MTSS1: variants seen among roughly 807,000 people sequenced by gnomAD.
The protein encoded by MTSS1 is protein MTSS 1.
In MTSS1, 18 loss-of-function variants were observed where a neutral mutation model predicts 79.0. The ratio of observed to expected loss-of-function variants is 0.23; its 90% CI spans 0.16 to 0.34. The LOEUF is 0.34. MTSS1 is among the 10% of genes least tolerant of loss of function. The probability of loss-of-function intolerance (pLI) is 1.00; values close to 1 mark genes in which losing one functional copy is unlikely to be tolerated. For missense variants in MTSS1, 815 were observed against 986.2 expected (o/e 0.83, Z 2.33); for synonymous variants, 341 against 368.6 (o/e 0.93, Z 0.86).
At chr8:124,708,264 T>C (rs1830672970) in intron 1 of MTSS1, among the ~76,000 whole-genome samples, 1 of 152,152 alleles carries the variant, frequency 6.6e-6, no homozygotes, top group Admixed American at 6.5e-5. Flanking sequence ...AATGAGGTCA[T>C]ATACAGAAAG....
chr8:124,666,102 AGTCT>A (rs375564100), intron 3 of MTSS1, among the ~76,000 whole-genome samples: 47 of 152,246 alleles, frequency 3.1e-4, no homozygotes, highest in African/African-American at 1.1e-3. Context: ...AATGTTCAAT[AGTCT>A]CACTGCATGA....
intron 3 of MTSS1, among the ~76,000 whole-genome samples, chr8:124,627,815 T>G (rs1035158984): frequency 4.6e-5 from 7 of 152,228 alleles, no homozygotes; most frequent in Non-Finnish European, 1.5e-5. Flanking sequence ...CAGTGTGAAC[T>G]GCGCTTTAGA....
At chr8:124,671,051 C>CTT (rs11368930) in intron 3 of MTSS1, among the ~76,000 whole-genome samples, 9 of 145,656 alleles carry the variant, frequency 6.2e-5, no homozygotes, top group African/African-American at 1.8e-4. Context: ...TTTTCTTTTT[C>CTT]TTTTTTTCCT....
At chr8:124,619,877 C>T (rs1433462382) in intron 3 of MTSS1, among the ~76,000 whole-genome samples, 1 of 152,164 alleles carries the variant, frequency 6.6e-6, no homozygotes, top group Non-Finnish European at 1.5e-5. Context: ...GGGCCATCAG[C>T]GGCAGGCCTG....
intron 4 of MTSS1, among the ~76,000 whole-genome samples, chr8:124,590,135 G>A (rs955195580): frequency 3.3e-5 from 5 of 152,174 alleles, no homozygotes; most frequent in East Asian, 1.9e-4. Flanking sequence ...GATTACAGGC[G>A]AGAGCCACCG....
intron 3 of MTSS1, among the ~76,000 whole-genome samples, chr8:124,668,183 G>A (rs935243629): frequency 5.3e-5 from 8 of 152,172 alleles, no homozygotes; most frequent in African/African-American, 1.7e-4. Context: ...AGGACACAGC[G>A]CAAGCGGCCA....
At position 124,640,758 on chromosome 8, in the gene MTSS1, G is replaced by T. The variant is rs182515232; in HGVS notation, c.209-49523C>A. On this transcript the variant is annotated intron_variant, in intron 3 of 13. Coordinates refer to ENST00000518547, the MANE Select transcript of MTSS1 (RefSeq NM_014751.6). ...GGGGTTTCACCATGTTGGCCAGGTTGGTCTCAATCTCTTGACCTCGTGATC... is the reference window on the plus strand; with the variant it reads ...GGGGTTTCACCATGTTGGCCAGGTTTGTCTCAATCTCTTGACCTCGTGATC... Among the ~76,000 whole-genome samples, 4 of 152,146 alleles carry T rather than the reference G, an allele frequency of 2.6e-5. No homozygotes were observed. In the East Asian group the frequency reaches 7.7e-4, roughly 29 times the overall value.
Position 124,727,502 on chromosome 8 carries a change from G to A in MTSS1, c.72+382C>T. Reference sequence around the variant, plus strand: ...ACCGCGCCAGGCGCCCCCACCCCGTGCCCGGAGGAATCAGGTGTCCTCCCG... The same window carrying A: ...ACCGCGCCAGGCGCCCCCACCCCGTACCCGGAGGAATCAGGTGTCCTCCCG... On this transcript the variant is annotated intron_variant, in intron 1 of 13. Coordinates refer to ENST00000518547, the MANE Select transcript of MTSS1 (RefSeq NM_014751.6). This position sits in a 1 kb window ranked among gnomAD's most constrained non-coding sequence, Gnocchi z 4.7. 2.2e-6 allele frequency: 1 copy of A among 461,820 alleles called. No individual in the cohort carries two copies. Among genetic ancestry groups the A allele is most frequent in the South Asian group, 1.6e-5 (1 of 63,896 alleles). 28.6% of individuals were successfully genotyped at this position (461,820 alleles called of 1,614,324 possible).
At chr8:124,699,377 G>T in intron 3 of MTSS1, 149 bp downstream of exon 3, 1 of 651,556 alleles carries the variant, frequency 1.5e-6, no homozygotes, top group Non-Finnish European at 2.7e-6. Context: ...CTTCTAATAT[G>T]TGGAATCCCA....
At chr8:124,564,129 CAAAAAAAAAAAA>C (rs56313535) in intron 9 of MTSS1, among the ~76,000 whole-genome samples, 1 of 87,826 alleles carries the variant, frequency 1.1e-5, no homozygotes, top group South Asian at 3.9e-4. Context: ...GACCCGATCT[CAAAAAAAAAAAA>C]AAAAAAAAAA....
chr8:124,690,542 TA>T (rs1282126268), intron 3 of MTSS1, among the ~76,000 whole-genome samples: 1 of 152,192 alleles, frequency 6.6e-6, no homozygotes, highest in Non-Finnish European at 1.5e-5. Flanking sequence ...AAGACATGGT[TA>T]AAAGCAAAAC....
intron 3 of MTSS1, among the ~76,000 whole-genome samples, chr8:124,646,270 T>C (rs1262598629): frequency 6.6e-6 from 1 of 152,244 alleles, no homozygotes; most frequent in Non-Finnish European, 1.5e-5. Context: ...ATCTCATCTT[T>C]AGCCAGTTAC....
chr8:124,712,940 G>T (rs986478067), intron 1 of MTSS1, among the ~76,000 whole-genome samples: 7 of 152,154 alleles, frequency 4.6e-5, no homozygotes, highest in Non-Finnish European at 7.4e-5. Context: ...GGATGCCCGG[G>T]CTGTTTTCTG....
At chr8:124,562,365 C>T (rs984206623) in intron 10 of MTSS1, among the ~76,000 whole-genome samples, 3 of 152,198 alleles carry the variant, frequency 2.0e-5, no homozygotes, top group East Asian at 1.9e-4. Flanking sequence ...GGGATGGTAT[C>T]GGAAGCGCTA....
At chr8:124,704,071 C>T in intron 2 of MTSS1, 59 bp downstream of exon 2, 1 of 1,503,358 alleles carries the variant, frequency 6.7e-7, no homozygotes, top group Non-Finnish European at 9.3e-7. Flanking sequence ...TGGTCTGTCC[C>T]ACTCCATCCT....
At chr8:124,648,217 T>G (rs754254067) in intron 3 of MTSS1, among the ~76,000 whole-genome samples, 1 of 152,158 alleles carries the variant, frequency 6.6e-6, no homozygotes, top group Non-Finnish European at 1.5e-5. Flanking sequence ...GATTATGAGT[T>G]GATGTTCAGA....
chr8:124,695,703 G>T (rs529490638), intron 3 of MTSS1, among the ~76,000 whole-genome samples: 1 of 152,076 alleles, frequency 6.6e-6, no homozygotes, highest in Non-Finnish European at 1.5e-5. Flanking sequence ...CCATTTGGCC[G>T]CTAGAAAGAA....
chr8:124,708,375 G>C (rs181323921), intron 1 of MTSS1, among the ~76,000 whole-genome samples: 1 of 152,180 alleles, frequency 6.6e-6, no homozygotes, highest in Non-Finnish European at 1.5e-5. Context: ...TAGGATGTGT[G>C]GGGGACAGAC....
intron 10 of MTSS1, among the ~76,000 whole-genome samples, chr8:124,559,701 A>G (rs1824861680): frequency 6.6e-6 from 1 of 152,138 alleles, no homozygotes; most frequent in African/African-American, 2.4e-5. Context: ...CTAGTTCTGG[A>G]CCTGGCACAT....
Sources: gnomAD v4.1 joint callset for allele counts (sites outside exome capture counted in the v4.1 genomes callset) on GRCh38, gnomAD v4.1.1 for gene constraint, Gnocchi (gnomAD v3.1) non-coding constraint, MANE v1.5 for transcripts, NCBI Gene and HGNC (gene_info 2026-07-23, HGNC 2026-07-21) for gene names.